The following TNIK variants were observed in gnomAD, a reference collection of about 807,000 sequenced individuals.
TNIK encodes TRAF2 and NCK interacting kinase, also known as TRAF2 and NCK-interacting protein kinase.
A neutral mutation model predicts 191.3 loss-of-function variants in TNIK; 49 were observed. The observed-to-expected ratio is 0.26, with a 90% CI of 0.20 to 0.32. The LOEUF (loss-of-function observed/expected upper bound fraction) is 0.32. TNIK is among the 10% of genes least tolerant of loss of function. The pLI, the probability that TNIK is intolerant of heterozygous loss-of-function variation, is 1.00. For missense variants in TNIK, 1,155 were observed against 1,702.3 expected (o/e 0.68, Z 5.66); for synonymous variants, 594 against 600.9 (o/e 0.99, Z 0.17).
In TNIK at chr3:171,097,621, T is replaced by C. The variant is rs146120813; in HGVS notation, c.2592-3653A>G. Among the ~76,000 whole-genome samples the C allele has an allele frequency of 1.0e-3, 159 of 152,352 alleles. 1 individual carries two copies. Among genetic ancestry groups the C allele is most frequent in the African/African-American group, 3.6e-3 (149 of 41,580 alleles). On this transcript the variant is annotated intron_variant, in intron 22 of 32. Coordinates refer to ENST00000436636, the MANE Select transcript of TNIK (RefSeq NM_015028.4). ...GGGCAGTTCCCCTGCACATGCTCTC[T>C]TGCCTGCTGCCATGTAAGACATGCC...
Position 171,066,280 on chromosome 3 carries a change from A to G in TNIK, c.3906T>C (p.Ile1302=). 3.1e-6 allele frequency: 5 copies of G among 1,613,930 alleles called. No homozygotes were observed. Among genetic ancestry groups the G allele is most frequent in the Non-Finnish European group, 4.2e-6 (5 of 1,179,852 alleles). Residue 1302 remains isoleucine, a synonymous_variant, in exon 32 of 33, where the codon ATT becomes ATC. Transcript: ENST00000436636. ...GTCCTGTTTCCACTGACCGGATCTC[A>G]ATAGCTTTCTCGCCCCAGCCCATTA... ...NQIMGWGEKA[I]EIRSVETGHL... is the part of the protein sequence containing the mutation.
chr3:171,431,955 T>G (rs1428188140), intron 1 of TNIK, among the ~76,000 whole-genome samples: 1 of 152,240 alleles, frequency 6.6e-6, no homozygotes, highest in South Asian at 2.1e-4. Flanking sequence ...GGGAAATGAT[T>G]GATTTTCCTT....
chr3:171,106,792 A>G (rs939835161), intron 21 of TNIK: 3 of 532,756 alleles, frequency 5.6e-6, no homozygotes, highest in Admixed American at 1.9e-5. Context: ...CACACACTCT[A>G]AATTTGGAGT....
chr3:171,191,966 T>G (rs561326102), intron 5 of TNIK, among the ~76,000 whole-genome samples: 66 of 152,328 alleles, frequency 4.3e-4, no homozygotes, highest in African/African-American at 1.4e-3. Context: ...TTACCTTTAA[T>G]TTTTTGTGCT....
At chr3:171,121,485 G>C (rs1234376876) in intron 18 of TNIK, among the ~76,000 whole-genome samples, 1 of 152,200 alleles carries the variant, frequency 6.6e-6, no homozygotes, top group Non-Finnish European at 1.5e-5. Flanking sequence ...TTTCTCTCTT[G>C]AGATGCTCTT....
intron 2 of TNIK, among the ~76,000 whole-genome samples, chr3:171,361,800 TTA>T (rs1231416283): frequency 6.6e-6 from 1 of 152,168 alleles, no homozygotes; most frequent in Non-Finnish European, 1.5e-5. Flanking sequence ...GAATTTATAT[TTA>T]ACAAAATACT....
At chr3:171,238,148 G>A (rs1202385685) in intron 2 of TNIK, among the ~76,000 whole-genome samples, 2 of 152,122 alleles carry the variant, frequency 1.3e-5, no homozygotes, top group South Asian at 2.1e-4. Context: ...GGGAAGGAGG[G>A]TGAGAGGACA....
At chr3:171,431,650 C>T (rs536459920) in intron 1 of TNIK, among the ~76,000 whole-genome samples, 14 of 152,006 alleles carry the variant, frequency 9.2e-5, no homozygotes, top group South Asian at 2.1e-4. Context: ...ACTGCTTTTG[C>T]GTCTTTTTTT....
intron 1 of TNIK, among the ~76,000 whole-genome samples, chr3:171,411,212 C>T (rs1722371948): frequency 6.6e-6 from 1 of 152,076 alleles, no homozygotes; most frequent in African/African-American, 2.4e-5. Context: ...GGACTACAGG[C>T]ATATACCATC....
chr3:171,327,973 T>C (rs138372468), intron 2 of TNIK, among the ~76,000 whole-genome samples: 1 of 142,348 alleles, frequency 7.0e-6, no homozygotes, highest in African/African-American at 2.6e-5. Context: ...ATTTCAGACC[T>C]ACTGAATCAG....
At chr3:171,317,684 A>C (rs888229407) in intron 2 of TNIK, among the ~76,000 whole-genome samples, 1 of 152,152 alleles carries the variant, frequency 6.6e-6, no homozygotes, top group Admixed American at 6.6e-5. Context: ...GAACCCTATA[A>C]GTTAGGCCCC....
chr3:171,350,594 C>CGAAA (rs1712990459), intron 2 of TNIK, among the ~76,000 whole-genome samples: 1 of 17,904 alleles, frequency 5.6e-5, no homozygotes, highest in African/African-American at 1.9e-4. Flanking sequence ...AGCTCTGTTG[C>CGAAA]TAAAAAAAAA....
At chr3:171,395,604 T>C (rs568832913) in intron 1 of TNIK, among the ~76,000 whole-genome samples, 17 of 152,304 alleles carry the variant, frequency 1.1e-4, no homozygotes, top group East Asian at 1.9e-4. Flanking sequence ...TAAGTATCCA[T>C]AGAAAGACAT....
At chr3:171,303,911 G>A (rs943797254) in intron 2 of TNIK, among the ~76,000 whole-genome samples, 10 of 152,064 alleles carry the variant, frequency 6.6e-5, no homozygotes, top group South Asian at 2.1e-4. Context: ...GAGATAGTCC[G>A]AGGCAAGGAA....
chr3:171,380,638 G>A (rs1717902336), intron 1 of TNIK, among the ~76,000 whole-genome samples: 1 of 152,256 alleles, frequency 6.6e-6, no homozygotes, highest in Non-Finnish European at 1.5e-5. Context: ...ATAGGAGTAT[G>A]AGGCCCCCTT....
intron 9 of TNIK, among the ~76,000 whole-genome samples, chr3:171,174,799 C>T (rs1735771790): frequency 1.3e-5 from 2 of 152,180 alleles, no homozygotes; most frequent in South Asian, 2.1e-4. Flanking sequence ...TGCAAATGCT[C>T]ATACACGAGC....
At chr3:171,390,222 G>T (rs185307354) in intron 1 of TNIK, among the ~76,000 whole-genome samples, 23 of 152,214 alleles carry the variant, frequency 1.5e-4, no homozygotes, top group Admixed American at 1.4e-3. Flanking sequence ...GCAAGTGCAT[G>T]ATCAGCCATA....
At chr3:171,448,197 T>C (rs911698408) in intron 1 of TNIK, among the ~76,000 whole-genome samples, 1 of 152,140 alleles carries the variant, frequency 6.6e-6, no homozygotes, top group African/African-American at 2.4e-5. Context: ...TCCATAAGAC[T>C]TACTCTTTTG....
At chr3:171,251,938 G>A (rs1375793028) in intron 2 of TNIK, among the ~76,000 whole-genome samples, 1 of 152,168 alleles carries the variant, frequency 6.6e-6, no homozygotes, top group Non-Finnish European at 1.5e-5. Flanking sequence ...AAATTTTGTG[G>A]TTTGTGTATT....
Sources: gnomAD v4.1 joint callset for allele counts (sites outside exome capture counted in the v4.1 genomes callset) on GRCh38, gnomAD v4.1.1 for gene constraint, MANE v1.5 for transcripts, NCBI Gene and HGNC (gene_info 2026-07-23, HGNC 2026-07-21) for gene names.